ANKRD50: variants seen among roughly 807,000 people sequenced by gnomAD.
ANKRD50 encodes the protein ankyrin repeat domain-containing protein 50.
In ANKRD50, 40 loss-of-function variants were observed where a neutral mutation model predicts 112.0. The observed-to-expected ratio is 0.36, with a 90% CI of 0.28 to 0.46. The LOEUF is 0.46. ANKRD50 is among the 20% of genes least tolerant of loss of function. The pLI, the probability that ANKRD50 is intolerant of heterozygous loss-of-function variation, is 1.00. For synonymous variants in ANKRD50, 613 were observed against 619.1 expected (o/e 0.99, Z 0.15); for missense variants, 1,487 against 1,701.7 (o/e 0.87, Z 2.22).
At chr4:124,702,714 C>T (rs1184572562) in intron 2 of ANKRD50, among the ~76,000 whole-genome samples, 2 of 152,136 alleles carry the variant, frequency 1.3e-5, no homozygotes, top group African/African-American at 4.8e-5. Context: ...TTTCTTCCTT[C>T]TTAGCACTTA....
chr4:124,672,884 A>G (rs183783700), intron 3 of ANKRD50, among the ~76,000 whole-genome samples: 15 of 152,150 alleles, frequency 9.9e-5, no homozygotes, highest in Admixed American at 4.6e-4. Context: ...AGTGATTGGG[A>G]AAAAAAGTTG....
chr4:124,678,375 T>G (rs2110512580), intron 3 of ANKRD50, among the ~76,000 whole-genome samples: 1 of 151,982 alleles, frequency 6.6e-6, no homozygotes, highest in Middle Eastern at 3.4e-3. Context: ...CAGAAAAAGG[T>G]TTAAATTGAT....
chr4:124,683,756 CA>C (rs33990913), intron 2 of ANKRD50, among the ~76,000 whole-genome samples: 11,271 of 86,582 alleles, frequency 0.13, 481 homozygotes, highest in African/African-American at 0.22. Flanking sequence ...GACTCCGTCT[CA>C]AAAAAAAAAA....
chr4:124,678,071 T>G (rs2110512429), intron 3 of ANKRD50, among the ~76,000 whole-genome samples: 1 of 152,220 alleles, frequency 6.6e-6, no homozygotes, highest in East Asian at 1.9e-4. Flanking sequence ...TACAGAAAAT[T>G]ATTTTAACAA....
At chr4:124,700,015 T>C (rs1258120934) in intron 2 of ANKRD50, among the ~76,000 whole-genome samples, 1 of 152,084 alleles carries the variant, frequency 6.6e-6, no homozygotes, top group Non-Finnish European at 1.5e-5. Context: ...CACAAAATAG[T>C]TCCAGATCAT....
intron 2 of ANKRD50, among the ~76,000 whole-genome samples, chr4:124,708,721 TACAC>T (rs1193261113): frequency 2.7e-5 from 3 of 111,760 alleles, no homozygotes; most frequent in Admixed American, 8.7e-5. Flanking sequence ...CACACACACA[TACAC>T]ACACACACAT....
intron 2 of ANKRD50, 102 bp from the exon 3 acceptor site, chr4:124,679,007 A>G: frequency 1.1e-6 from 1 of 905,662 alleles, no homozygotes; most frequent in Non-Finnish European, 1.6e-6. Context: ...CTTTAAGAAT[A>G]AAATAAGGTA....
intron 2 of ANKRD50, among the ~76,000 whole-genome samples, chr4:124,709,176 A>C (rs1284638857): frequency 6.6e-6 from 1 of 151,920 alleles, no homozygotes; most frequent in Non-Finnish European, 1.5e-5. Context: ...CAAAATGGGT[A>C]ATTCAAGCAG....
chr4:124,679,525 G>A (rs1404751323), intron 2 of ANKRD50, among the ~76,000 whole-genome samples: 3 of 152,066 alleles, frequency 2.0e-5, no homozygotes, highest in Non-Finnish European at 2.9e-5. Context: ...TTTCTTATGC[G>A]TGTAACTTAT....
chr4:124,688,745 C>T (rs181935251), intron 2 of ANKRD50, among the ~76,000 whole-genome samples: 8 of 152,204 alleles, frequency 5.3e-5, no homozygotes, highest in Admixed American at 4.6e-4. Flanking sequence ...CTGAAGTCAG[C>T]GAAGCCCATC....
chr4:124,700,362 A>G (rs1725362535), intron 2 of ANKRD50, among the ~76,000 whole-genome samples: 1 of 152,234 alleles, frequency 6.6e-6, no homozygotes, highest in African/African-American at 2.4e-5. Flanking sequence ...GAAGGTTTTA[A>G]GCAGGAAAGT....
rs115641852 is a variant in ANKRD50 at position 124,688,815 on chromosome 4, A to T, written c.513-9910T>A. On this transcript the variant is annotated intron_variant, in intron 2 of 4. Coordinates refer to ENST00000504087, the MANE Select transcript of ANKRD50 (RefSeq NM_020337.3). ...TTCTGTTTTCCAGGATCTGACCAAC[A>T]ATTGGCGCCTTATCAATTTCTCTAA... Among the ~76,000 whole-genome samples the T allele has an allele frequency of 2.1e-3, 315 of 152,200 alleles. 4 individuals are homozygous for T. The highest frequency in any genetic ancestry group is 7.3e-3 in the African/African-American group (304 of 41,528).
At position 124,688,518 on chromosome 4, in the gene ANKRD50, AAAT is replaced by A. The variant is rs1344188853; in HGVS notation, c.513-9616_513-9614del. ...GTAAATTTTACTGTATGAAAAATGAAAATAACGCAAAATTATTACTTGTTAACG... is the reference window on the plus strand; with the variant it reads ...GTAAATTTTACTGTATGAAAAATGAAAACGCAAAATTATTACTTGTTAACG... On this transcript the variant is annotated intron_variant, in intron 2 of 4. Transcript: ENST00000504087. 2.0e-5 allele frequency among the ~76,000 whole-genome samples: 3 copies of A among 152,200 alleles called. No individual in the cohort carries two copies. The East Asian group carries it at 5.8e-4, about 29-fold the overall frequency.
chr4:124,692,149 TGTATATGAG>T (rs369372799), intron 2 of ANKRD50, among the ~76,000 whole-genome samples: 4 of 151,846 alleles, frequency 2.6e-5, no homozygotes, highest in South Asian at 2.1e-4. Flanking sequence ...TTTCTCATTA[TGTATATGAG>T]AATATTCCAA....
intron 2 of ANKRD50, among the ~76,000 whole-genome samples, chr4:124,695,517 G>A (rs1428475899): frequency 6.6e-6 from 1 of 152,124 alleles, no homozygotes; most frequent in Non-Finnish European, 1.5e-5. Context: ...TAAATTCCGG[G>A]CCATGCTTAA....
chr4:124,701,862 T>TA (rs1237930055), intron 2 of ANKRD50, among the ~76,000 whole-genome samples: 1 of 151,990 alleles, frequency 6.6e-6, no homozygotes, highest in Non-Finnish European at 1.5e-5. Flanking sequence ...CCTTATTTCA[T>TA]AAAAATCAAA....
At chr4:124,704,161 A>T (rs541170470) in intron 2 of ANKRD50, among the ~76,000 whole-genome samples, 1 of 152,336 alleles carries the variant, frequency 6.6e-6, no homozygotes, top group Admixed American at 6.5e-5. Flanking sequence ...TAAAGTTTTG[A>T]TTATGAAATT....
At chr4:124,681,414 A>C (rs926189266) in intron 2 of ANKRD50, among the ~76,000 whole-genome samples, 6 of 152,144 alleles carry the variant, frequency 3.9e-5, no homozygotes, top group Admixed American at 3.3e-4. Flanking sequence ...AAGGGGGACA[A>C]TCCATCCTGG....
intron 2 of ANKRD50, among the ~76,000 whole-genome samples, chr4:124,687,224 G>T (rs1345632781): frequency 1.3e-5 from 2 of 152,142 alleles, no homozygotes; most frequent in African/African-American, 4.8e-5. Flanking sequence ...TCACAAAGTT[G>T]TAGAGGTAAT....
Sources: allele counts gnomAD v4.1 joint callset (sites outside exome capture counted in the v4.1 genomes callset), GRCh38; gene constraint gnomAD v4.1.1; transcripts MANE v1.5; gene names NCBI Gene and HGNC (gene_info 2026-07-23, HGNC 2026-07-21).